The following SPAG17 variants were observed in gnomAD, a reference collection of about 807,000 sequenced individuals.
The protein encoded by SPAG17 is sperm associated antigen 17.
SPAG17 carries 169 observed loss-of-function variants against 273.6 expected under a neutral mutation model. The observed-to-expected ratio is 0.62, with a 90% CI of 0.55 to 0.70. The LOEUF is 0.70. SPAG17 is among the 30% of genes least tolerant of loss of function. SPAG17 has a pLI of 0.00. For synonymous variants in SPAG17, 825 were observed against 873.2 expected (o/e 0.94, Z 0.97); for missense variants, 2,557 against 2,627.8 (o/e 0.97, Z 0.59).
Position 118,150,533 on chromosome 1 carries a change from T to G in SPAG17, c.315+10A>C. 6.8e-7 allele frequency: 1 copy of G among 1,466,228 alleles called. No individual in the cohort carries two copies. Among genetic ancestry groups the G allele is most frequent in the Non-Finnish European group, 9.3e-7 (1 of 1,076,172 alleles). The allele number at this position is 1,466,228 out of a possible 1,614,324, so 90.8% of individuals were successfully genotyped here. A position where few individuals can be genotyped will look rare whatever the true frequency, so the allele number is the denominator to read the frequency against. ...ACACAAAAATATCTTCTATAAACAC[T>G]TTCACTTACCTCATAATATAAAGGA... On this transcript the variant is annotated intron_variant, in intron 3 of 48. Transcript: ENST00000336338.
chr1:118,081,663 T>A, intron 13 of SPAG17, 21 bp from the exon 14 acceptor site: 1 of 1,599,374 alleles, frequency 6.3e-7, no homozygotes, highest in Non-Finnish European at 8.6e-7. Flanking sequence ...GCAGAACCAG[T>A]GCTGCTGGAA....
At chr1:118,053,271 G>A (rs532263748) in intron 20 of SPAG17, among the ~76,000 whole-genome samples, 3 of 152,068 alleles carry the variant, frequency 2.0e-5, no homozygotes, top group South Asian at 2.1e-4. Context: ...TCCAGAAACC[G>A]GAGGCTTACC....
At chr1:118,147,020 TTACC>T in intron 3 of SPAG17, among the ~76,000 whole-genome samples, 1 of 152,308 alleles carries the variant, frequency 6.6e-6, no homozygotes, top group Admixed American at 6.5e-5. Context: ...CTTATACACT[TTACC>T]TGTCTCTCAA....
intron 3 of SPAG17, among the ~76,000 whole-genome samples, chr1:118,122,954 A>AC (rs992579183): frequency 3.9e-5 from 6 of 152,178 alleles, no homozygotes; most frequent in Non-Finnish European, 8.8e-5. Context: ...TAACCTGGCT[A>AC]CCCCTTTTAT....
intron 20 of SPAG17, among the ~76,000 whole-genome samples, chr1:118,048,264 C>T (rs982678521): frequency 6.6e-6 from 1 of 152,008 alleles, no homozygotes; most frequent in Non-Finnish European, 1.5e-5. Flanking sequence ...CACTCAAGGA[C>T]CCAGACTCCA....
intron 1 of SPAG17, among the ~76,000 whole-genome samples, chr1:118,162,363 C>A (rs904314769): frequency 2.0e-5 from 3 of 152,190 alleles, no homozygotes; most frequent in Non-Finnish European, 2.9e-5. Context: ...TAAGTACTCA[C>A]AACCTGGACC....
Position 117,981,390 on chromosome 1 carries a change from G to C in SPAG17, c.5884C>G (p.His1962Asp), listed in dbSNP as rs756421182. 6.3e-7 allele frequency: 1 copy of C among 1,594,060 alleles called. No individual in the cohort carries two copies. Among genetic ancestry groups the C allele is most frequent in the South Asian group, 1.2e-5 (1 of 86,244 alleles). The change falls in exon 43 of 49, where the codon CAT (histidine) becomes GAT (aspartate). Residue 1962 changes from histidine to aspartate, a missense_variant. By Grantham distance (81) the His-to-Asp change is moderately conservative. Transcript: ENST00000336338. ...TSDLNLDFKP[H>D]KVSEQKSSSV... Reference sequence around the variant, plus strand: ...GAGGATTTCTGTTCTGAAACCTTATGTGGCTTGAAATCTAGAAAACCCAAA... The same window carrying C: ...GAGGATTTCTGTTCTGAAACCTTATCTGGCTTGAAATCTAGAAAACCCAAA...
At chr1:118,145,172 T>C (rs1200359825) in intron 3 of SPAG17, among the ~76,000 whole-genome samples, 1 of 152,232 alleles carries the variant, frequency 6.6e-6, no homozygotes, top group African/African-American at 2.4e-5. Flanking sequence ...TTTCACATAT[T>C]ATTTGTACCT....
intron 25 of SPAG17, 64 bp from the exon 26 acceptor site, chr1:118,028,458 G>A: frequency 1.9e-6 from 3 of 1,587,802 alleles, no homozygotes; most frequent in Non-Finnish European, 2.6e-6. Context: ...TATTTATTTT[G>A]ACTAAGCCAG....
intron 3 of SPAG17, among the ~76,000 whole-genome samples, chr1:118,117,262 G>A (rs1006643035): frequency 6.6e-6 from 1 of 152,110 alleles, no homozygotes; most frequent in African/African-American, 2.4e-5. Context: ...GAGTGGTTGT[G>A]GAGTCTCTTT....
At chr1:118,112,849 T>C (rs142462641) in intron 4 of SPAG17, among the ~76,000 whole-genome samples, 1 of 152,118 alleles carries the variant, frequency 6.6e-6, no homozygotes, top group African/African-American at 2.4e-5. Context: ...CATAGCCCAG[T>C]TTAAAATGTT....
Position 118,185,119 on chromosome 1 carries a change from G to A in SPAG17, c.39C>T (p.Thr13=). 6.2e-7 allele frequency: 1 copy of A among 1,614,142 alleles called. No homozygotes were observed. Among genetic ancestry groups the A allele is most frequent in the African/African-American group, 1.3e-5 (1 of 75,056 alleles). ...PKKEKGGTVN[T]SSKIWEPSLI... is the part of the protein sequence containing the mutation. Reference sequence around the variant, plus strand: ...GCGAGGGTTCCCATATCTTAGAACTGGTGTTCACAGTTCCTCCTTTCTCCT... The same window carrying A: ...GCGAGGGTTCCCATATCTTAGAACTAGTGTTCACAGTTCCTCCTTTCTCCT... Residue 13 remains threonine (T), a synonymous_variant, in exon 1 of 49, where the codon ACC becomes ACT. Transcript: ENST00000336338.
intron 38 of SPAG17, among the ~76,000 whole-genome samples, chr1:117,989,445 A>G (rs1313976311): frequency 6.6e-6 from 1 of 152,056 alleles, no homozygotes; most frequent in African/African-American, 2.4e-5. Flanking sequence ...TCTCATGGCA[A>G]CTAATAGAGT....
chr1:118,161,460 C>T (rs1659907084), intron 1 of SPAG17, among the ~76,000 whole-genome samples: 1 of 152,166 alleles, frequency 6.6e-6, no homozygotes, highest in African/African-American at 2.4e-5. Context: ...GAAGTAGTTC[C>T]TGAGATCTTT....
chr1:117,975,568 C>T (rs188807702), intron 43 of SPAG17, among the ~76,000 whole-genome samples: 75 of 152,192 alleles, frequency 4.9e-4, no homozygotes, highest in Admixed American at 4.3e-3. Flanking sequence ...TGTGTTGGAA[C>T]CACAAGGAAC....
At chr1:117,958,333 A>G (rs943956966) in intron 48 of SPAG17, among the ~76,000 whole-genome samples, 10 of 152,326 alleles carry the variant, frequency 6.6e-5, no homozygotes, top group Non-Finnish European at 1.2e-4. Flanking sequence ...ATATTTAACC[A>G]TGTTACTAAC....
Position 117,989,087 on chromosome 1 carries a change from C to T in SPAG17, c.5522-883G>A, listed in dbSNP as rs116397941. 9.9e-3 allele frequency among the ~76,000 whole-genome samples: 1,511 copies of T among 152,212 alleles called. 8 individuals are homozygous for T. Among genetic ancestry groups the T allele is most frequent in the Non-Finnish European group, 0.016 (1,092 of 68,010 alleles). ...ATTCAAAAGCTACAGGGTAGCGTTG[C>T]CAGATAAAGTATAGGGCCCCTGGTT... On this transcript the variant is annotated intron_variant, in intron 38 of 48. Transcript: ENST00000336338.
At chr1:118,071,360 G>T (rs1653563009) in intron 17 of SPAG17, among the ~76,000 whole-genome samples, 1 of 152,158 alleles carries the variant, frequency 6.6e-6, no homozygotes, top group Admixed American at 6.5e-5. Flanking sequence ...ATAAGAGAAG[G>T]TATTATATCA....
chr1:117,959,308 A>G (rs1469283837), intron 48 of SPAG17: 2 of 1,611,884 alleles, frequency 1.2e-6, no homozygotes, highest in Non-Finnish European at 1.7e-6. Flanking sequence ...ATCGGCTTCA[A>G]TATGGCTGGT....
Sources: allele counts gnomAD v4.1 joint callset (sites outside exome capture counted in the v4.1 genomes callset), GRCh38; gene constraint gnomAD v4.1.1; transcripts MANE v1.5; gene names NCBI Gene and HGNC (gene_info 2026-07-23, HGNC 2026-07-21).